Variants in FTO observed in about 807,000 individuals in gnomAD.
FTO encodes the protein alpha-ketoglutarate-dependent dioxygenase FTO.
In FTO, 47 loss-of-function variants were observed where a neutral mutation model predicts 63.9. That is an observed-to-expected ratio of 0.74 (90% confidence interval 0.58 to 0.94). FTO has a LOEUF of 0.94. Ranked by LOEUF, FTO falls within the 40% of genes least tolerant of loss-of-function variation. The pLI, the probability that FTO is intolerant of heterozygous loss-of-function variation, is 0.00. For missense variants in FTO, 562 were observed against 618.1 expected, an observed-to-expected ratio of 0.91 and a Z score of 0.96; for synonymous variants, 207 against 224.4, an observed-to-expected ratio of 0.92 and a Z score of 0.69.
At chr16:54,033,700 C>G (rs2084880318) in intron 8 of FTO, among the ~76,000 whole-genome samples, 1 of 152,056 alleles carries the variant, frequency 6.6e-6, no homozygotes, top group Admixed American at 6.6e-5. Flanking sequence ...GCCTGTAATA[C>G]CAGCTATATG....
At chr16:53,792,452 A>G (rs1391665323) in intron 1 of FTO, among the ~76,000 whole-genome samples, 1 of 152,230 alleles carries the variant, frequency 6.6e-6, no homozygotes, top group East Asian at 1.9e-4. Flanking sequence ...GGATTATTAA[A>G]TGGATAGTCA....
chr16:53,829,335 A>G (rs1352691189), intron 3 of FTO, among the ~76,000 whole-genome samples: 1 of 152,206 alleles, frequency 6.6e-6, no homozygotes, highest in East Asian at 1.9e-4. Context: ...ATACTCTCAG[A>G]TGATTGGAAT....
At chr16:53,833,981 C>G (rs7191031) in intron 3 of FTO, among the ~76,000 whole-genome samples, 1 of 151,838 alleles carries the variant, frequency 6.6e-6, no homozygotes, top group Admixed American at 6.6e-5. Flanking sequence ...AATTCCTTAT[C>G]AGATATATGA....
At chr16:53,820,852 G>C (rs8054908) in intron 2 of FTO, among the ~76,000 whole-genome samples, 44,519 of 152,046 alleles carry the variant, frequency 0.29, 6,815 homozygotes, top group Non-Finnish European at 0.32. Flanking sequence ...TGTGGAGTTG[G>C]GGGAGGAGCC....
At chr16:53,944,077 A>T (rs535502245) in intron 8 of FTO, among the ~76,000 whole-genome samples, 1 of 152,318 alleles carries the variant, frequency 6.6e-6, no homozygotes, top group South Asian at 2.1e-4. Flanking sequence ...CAAGTACTTC[A>T]TAAATGCTGG....
intron 1 of FTO, among the ~76,000 whole-genome samples, chr16:53,708,055 A>G (rs1395157759): frequency 1.3e-5 from 2 of 152,236 alleles, no homozygotes; most frequent in Non-Finnish European, 2.9e-5. Context: ...TTTATTACAC[A>G]GTGGATAGAA....
chr16:53,943,693 C>T (rs1336813980), intron 8 of FTO, among the ~76,000 whole-genome samples: 2 of 152,158 alleles, frequency 1.3e-5, no homozygotes, highest in Admixed American at 6.5e-5. Flanking sequence ...TTCACCAGCA[C>T]TCAACAGTGA....
intron 8 of FTO, among the ~76,000 whole-genome samples, chr16:54,029,116 T>C (rs1162030456): frequency 6.6e-6 from 1 of 152,186 alleles, no homozygotes; most frequent in Middle Eastern, 3.2e-3. Context: ...GATCGTACTT[T>C]CTCTCAAGGC....
chr16:54,102,393 A>C (rs2086659239), intron 8 of FTO, among the ~76,000 whole-genome samples: 1 of 152,146 alleles, frequency 6.6e-6, no homozygotes, highest in Non-Finnish European at 1.5e-5. Context: ...CCCAAGTTGG[A>C]ACTCTGAATG....
At position 54,036,283 on chromosome 16, in the gene FTO, G is replaced by A. The variant is rs192378591; in HGVS notation, c.1365-75479G>A. Among the ~76,000 whole-genome samples, 376 of 152,278 alleles carry A rather than the reference G, an allele frequency of 2.5e-3. 1 individual carries two copies. The highest frequency in any genetic ancestry group is 4.1e-3 in the Admixed American group (62 of 15,288). ...GTTTTAAACATTTTGACCAGACTCA[G>A]TTCCCAGCTTCCATGTTGCCTATCT... On this transcript the variant is annotated intron_variant, in intron 8 of 8. Transcript: ENST00000471389.
At chr16:53,807,550 T>C (rs2078405152) in intron 1 of FTO, among the ~76,000 whole-genome samples, 1 of 152,202 alleles carries the variant, frequency 6.6e-6, no homozygotes, top group Admixed American at 6.5e-5. Context: ...AGTATGTAAT[T>C]ACTTTTGGGA....
At chr16:53,705,164 A>G (rs1189189192) in intron 1 of FTO, among the ~76,000 whole-genome samples, 1 of 152,034 alleles carries the variant, frequency 6.6e-6, no homozygotes, top group Non-Finnish European at 1.5e-5. Context: ...CTCAACTACC[A>G]TTCTCTTCTG....
At chr16:53,716,277 C>T (rs1397432058) in intron 1 of FTO, among the ~76,000 whole-genome samples, 2 of 152,164 alleles carry the variant, frequency 1.3e-5, no homozygotes, top group African/African-American at 2.4e-5. Flanking sequence ...ATGATCACAT[C>T]TTTGGATATG....
At chr16:53,901,356 T>C (rs1053661734) in intron 7 of FTO, among the ~76,000 whole-genome samples, 2 of 152,238 alleles carry the variant, frequency 1.3e-5, no homozygotes, top group African/African-American at 4.8e-5. Flanking sequence ...ATTTGATCTT[T>C]TGCTATTAGA....
intron 2 of FTO, 107 bp from the exon 3 acceptor site, chr16:53,825,757 G>A (rs1045397955): frequency 7.1e-6 from 9 of 1,270,594 alleles, no homozygotes; most frequent in African/African-American, 2.9e-5. Context: ...ATAGCCACCA[G>A]GTAGTCCCCC....
chr16:53,751,380 C>T (rs1389763083), intron 1 of FTO, among the ~76,000 whole-genome samples: 1 of 152,108 alleles, frequency 6.6e-6, no homozygotes, highest in Non-Finnish European at 1.5e-5. Context: ...ATGGCATGAA[C>T]CCGGGAGGCG....
intron 1 of FTO, among the ~76,000 whole-genome samples, chr16:53,708,518 A>T (rs1219265296): frequency 2.6e-5 from 4 of 152,240 alleles, no homozygotes; most frequent in African/African-American, 9.6e-5. Context: ...ACGTGTTTTC[A>T]TTCCTCTTTG....
In FTO at chr16:53,975,675, A is replaced by AC. The variant is rs1484151788; in HGVS notation, c.1364+41566_1364+41567insC. On this transcript the variant is annotated intron_variant, in intron 8 of 8. Transcript: ENST00000471389. The stretch of plus-strand genomic sequence containing the variant: ...CTGTCATTCTACAGTCCTCAAAAAA[A>AC]AAAGACATGTAATTTATATTTTAAA... Among the ~76,000 whole-genome samples the AC allele has an allele frequency of 3.3e-5, 5 of 152,128 alleles. No homozygotes were observed. The East Asian group carries it at 9.6e-4, about 29-fold the overall frequency.
intron 1 of FTO, among the ~76,000 whole-genome samples, chr16:53,720,824 C>T (rs1309777623): frequency 6.6e-6 from 1 of 151,776 alleles, no homozygotes; most frequent in African/African-American, 2.4e-5. Context: ...GGGTCCTGCT[C>T]TGTCACCCAG....
Sources: gnomAD v4.1 joint callset for allele counts (sites outside exome capture counted in the v4.1 genomes callset) on GRCh38, gnomAD v4.1.1 for gene constraint, MANE v1.5 for transcripts, NCBI Gene and HGNC (gene_info 2026-07-23, HGNC 2026-07-21) for gene names.